IDI2: variants seen among roughly 807,000 people sequenced by gnomAD.
The protein encoded by IDI2 is isopentenyl-diphosphate delta isomerase 2.
IDI2 carries 18 observed loss-of-function variants against 14.8 expected under a neutral mutation model. That is an observed-to-expected ratio of 1.22 (90% CI 0.84 to 1.80). The LOEUF (loss-of-function observed/expected upper bound fraction) is 1.80, where lower values mean the gene tolerates loss of function less well. Ranked by LOEUF, IDI2 falls within the 40% of genes most tolerant of loss-of-function variation. The pLI is 0.00. For synonymous variants in IDI2, 133 were observed against 109.6 expected (o/e 1.21, Z -1.33); for missense variants, 316 against 283.2 (o/e 1.12, Z -0.83).
chr10:1,024,556 G>A (rs1832176280), intron 2 of IDI2, 26 bp downstream of exon 2: 1 of 1,613,174 alleles, frequency 6.2e-7, no homozygotes, highest in Admixed American at 1.7e-5. Context: ...CCTGGGAACT[G>A]GACAGAGAAA....
intron 3 of IDI2, 56 bp downstream of exon 3, chr10:1,022,627 C>A: frequency 7.6e-7 from 1 of 1,317,226 alleles, no homozygotes; most frequent in Non-Finnish European, 1.1e-6. Context: ...CAGATTCCTC[C>A]GGTCAAGTCA....
chr10:1,020,230 T>TC (rs1271961329), intron 4 of IDI2, among the ~76,000 whole-genome samples: 1 of 151,182 alleles, frequency 6.6e-6, no homozygotes, highest in Non-Finnish European at 1.5e-5. Flanking sequence ...TTTCTTTCTT[T>TC]TTTTTTTTTT....
rs574093260 is a variant in IDI2, at chr10:1,019,646, C to T, written c.555G>A (p.Arg185=). The T allele has an allele frequency of 1.9e-6, 3 of 1,613,940 alleles. No homozygotes were observed. The highest frequency in any genetic ancestry group is 1.3e-5 in the African/African-American group (1 of 74,906). Residue 185 remains arginine, a synonymous_variant, in exon 5 of 5, where the codon AGG becomes AGA. Transcript: ENST00000277517. ...TGACTTTGACTTCACCCCTCGCCTC[C>T]CTCTCCAGCAGCTCCCACAGCTCCT... ...SQEELWELLE[R]EARGEVKVTP...
At position 1,024,656 on chromosome 10, in the gene IDI2, A is replaced by G. The variant is rs773140126; in HGVS notation, c.68T>C (p.Val23Ala). Residue 23 changes from valine to alanine, a missense_variant, in exon 2 of 5, where the codon GTT becomes GCT. By Grantham distance (64) the Val-to-Ala change is moderately conservative. Coordinates refer to ENST00000277517, the MANE Select transcript of IDI2 (RefSeq NM_033261.3). Reference sequence around the variant, plus strand: ...AATAACCTTATCATTCTCATCCACAACAATCAGCATTTCCTCCAAGCGCTG... The same window carrying G: ...AATAACCTTATCATTCTCATCCACAGCAATCAGCATTTCCTCCAAGCGCTG... ...QLQRLEEMLI[V>A]VDENDKVIGA... 16 of 1,614,040 alleles carry G rather than the reference A, an allele frequency of 9.9e-6. No homozygotes were observed. In the Middle Eastern group the frequency reaches 6.6e-4, roughly 67 times the overall value.
At chr10:1,025,721 G>C (rs1277281796) in intron 1 of IDI2, 95 bp downstream of exon 1, 1 of 152,082 alleles carries the variant, frequency 6.6e-6, no homozygotes, top group African/African-American at 2.4e-5. Context: ...ATGGACATGA[G>C]ATACAATAGA....
chr10:1,019,171 C>T lies in IDI2; in HGVS notation c.*346G>A, dbSNP rs980970881. 4.7e-5 allele frequency: 10 copies of T among 211,214 alleles called. No homozygotes were observed. Among genetic ancestry groups the T allele is most frequent in the Admixed American group, 4.7e-4 (9 of 19,028 alleles). The allele number at this position is 211,214 out of a possible 1,614,324, so 13.1% of individuals were successfully genotyped here. On this transcript the variant is annotated 3_prime_UTR_variant, in exon 5 of 5. Coordinates refer to ENST00000277517, the MANE Select transcript of IDI2 (RefSeq NM_033261.3). ...GGATAAAGCTGTGGGGAGACAGCCT[C>T]ATGGTCCAGCCAGGCTAGTCCGCCT... is the stretch of plus-strand genomic sequence containing the variant.
intron 1 of IDI2, among the ~76,000 whole-genome samples, chr10:1,025,179 G>A (rs182672220): frequency 2.6e-5 from 4 of 152,244 alleles, no homozygotes; most frequent in Middle Eastern, 3.4e-3. Context: ...GGAAAGCTAC[G>A]TCACCCACAG....
chr10:1,024,859 A>C, intron 1 of IDI2, 115 bp from the exon 2 acceptor site: 2 of 926,996 alleles, frequency 2.2e-6, no homozygotes, highest in Non-Finnish European at 3.3e-6. Flanking sequence ...AAGTGACAGC[A>C]ATTGTGTTGA....
intron 2 of IDI2, among the ~76,000 whole-genome samples, chr10:1,023,384 G>A (rs542326733): frequency 6.6e-6 from 1 of 151,806 alleles, no homozygotes; most frequent in African/African-American, 2.4e-5. Flanking sequence ...GCTGAGGCAG[G>A]AGAATGGCAT....
At chr10:1,022,274 AT>A (rs1406323296) in intron 3 of IDI2, among the ~76,000 whole-genome samples, 1 of 149,958 alleles carries the variant, frequency 6.7e-6, no homozygotes, top group Non-Finnish European at 1.5e-5. Flanking sequence ...AAAAAAAAAA[AT>A]TTTAAGTTGT....
chr10:1,023,949 A>T (rs987747419), intron 2 of IDI2, among the ~76,000 whole-genome samples: 7 of 152,214 alleles, frequency 4.6e-5, no homozygotes, highest in African/African-American at 1.7e-4. Context: ...ATGCATAATT[A>T]TTATGTGTTT....
At chr10:1,021,967 A>C (rs1342619723) in intron 3 of IDI2, among the ~76,000 whole-genome samples, 1 of 152,182 alleles carries the variant, frequency 6.6e-6, no homozygotes, top group Non-Finnish European at 1.5e-5. Context: ...TTCCCCTCTA[A>C]AAAATTTTTT....
intron 3 of IDI2, among the ~76,000 whole-genome samples, chr10:1,021,734 A>G (rs1178646101): frequency 6.6e-6 from 1 of 152,174 alleles, no homozygotes; most frequent in Non-Finnish European, 1.5e-5. Context: ...TCCATCAAGG[A>G]GCCCGTGAGT....
chr10:1,025,703 C>G (rs755951311), intron 1 of IDI2, 113 bp downstream of exon 1: 1 of 152,150 alleles, frequency 6.6e-6, no homozygotes, highest in South Asian at 2.1e-4. Context: ...GGCTGTTTGA[C>G]TTAATGCATG....
At chr10:1,024,480 G>T in intron 2 of IDI2, 102 bp downstream of exon 2, 1 of 1,292,842 alleles carries the variant, frequency 7.7e-7, no homozygotes, top group South Asian at 1.4e-5. Flanking sequence ...CCCAGTGGTC[G>T]CCTCCTAGCC....
intron 4 of IDI2, 139 bp downstream of exon 4, chr10:1,020,628 C>T (rs1832075260): frequency 2.4e-6 from 2 of 836,204 alleles, no homozygotes; most frequent in Admixed American, 5.6e-5. Flanking sequence ...CATTCACAGC[C>T]CCATCCACAG....
chr10:1,025,623 A>T (rs932086667), intron 1 of IDI2, among the ~76,000 whole-genome samples, 193 bp downstream of exon 1: 1 of 152,188 alleles, frequency 6.6e-6, no homozygotes, highest in East Asian at 1.9e-4. Context: ...TTTTTAAAAA[A>T]ATGCATTCAC....
rs758583790 is a variant in IDI2 at position 1,019,649 on chromosome 10, C to T, written c.552G>A (p.Glu184=). Residue 184 remains glutamate, a synonymous_variant, in exon 5 of 5, where the codon GAG becomes GAA. Transcript: ENST00000277517. The part of the protein sequence containing the change: ...LSQEELWELL[E]REARGEVKVT... ...CTTTGACTTCACCCCTCGCCTCCCTCTCCAGCAGCTCCCACAGCTCCTCCT... is the reference window on the plus strand; with the variant it reads ...CTTTGACTTCACCCCTCGCCTCCCTTTCCAGCAGCTCCCACAGCTCCTCCT... 2.5e-6 allele frequency: 4 copies of T among 1,614,090 alleles called. No individual in the cohort carries two copies. Among genetic ancestry groups the T allele is most frequent in the Non-Finnish European group, 3.4e-6 (4 of 1,180,026 alleles).
Position 1,019,713 on chromosome 10 carries a change from G to C in IDI2, c.488C>G (p.Pro163Arg), listed in dbSNP as rs752907841. Residue 163 changes from proline to arginine, a missense_variant, in exon 5 of 5, where the codon CCG becomes CGG. Transcript: ENST00000277517. ...GATGCTTTTCGTTTCACTGGGATCC[G>C]GGTTCAGAGTGACGTTTTTCCTCAC... The part of the protein sequence containing the change: ...LLVRKNVTLN[P>R]DPSETKSILY... 9.3e-6 allele frequency: 15 copies of C among 1,613,912 alleles called. No homozygotes were observed. Among genetic ancestry groups the C allele is most frequent in the Non-Finnish European group, 1.3e-5 (15 of 1,180,006 alleles).
Sources: gnomAD v4.1 joint callset for allele counts (sites outside exome capture counted in the v4.1 genomes callset) on GRCh38, gnomAD v4.1.1 for gene constraint, MANE v1.5 for transcripts, NCBI Gene and HGNC (gene_info 2026-07-23, HGNC 2026-07-21) for gene names.